The following SPTB variants were observed in gnomAD, a reference collection of about 807,000 sequenced individuals.
SPTB encodes the protein spectrin beta, erythrocytic.
A neutral mutation model predicts 256.2 loss-of-function variants in SPTB; 45 were observed. The ratio of observed to expected loss-of-function variants is 0.18; its 90% CI spans 0.14 to 0.23. SPTB has a LOEUF of 0.23. SPTB is among the 10% of genes least tolerant of loss of function. The probability of loss-of-function intolerance (pLI) is 1.00; values close to 1 mark genes in which losing one functional copy is unlikely to be tolerated. For missense variants in SPTB, 2,715 were observed against 3,040.4 expected (o/e 0.89, Z 2.52); for synonymous variants, 1,231 against 1,243.1 (o/e 0.99, Z 0.21).
At chr14:64,750,206 G>C in intron 33 of SPTB, 52 bp from the exon 34 acceptor site, 1 of 1,578,444 alleles carries the variant, frequency 6.3e-7, no homozygotes, top group South Asian at 1.1e-5. Flanking sequence ...GGTATCTCTA[G>C]AGTCAATTCC....
intron 1 of SPTB, among the ~76,000 whole-genome samples, chr14:64,871,233 G>A (rs909770305): frequency 2.6e-5 from 4 of 152,156 alleles, no homozygotes; most frequent in Admixed American, 6.5e-5. Flanking sequence ...GTTCCAGGAC[G>A]AAGACACAGC....
Position 64,772,452 on chromosome 14 carries a change from T to C in SPTB, c.5553+128A>G. 6 of 1,294,054 alleles carry C rather than the reference T, an allele frequency of 4.6e-6. No homozygotes were observed. Among genetic ancestry groups the C allele is most frequent in the Non-Finnish European group, 5.3e-6 (5 of 951,156 alleles). The allele number at this position is 1,294,054 out of a possible 1,614,324, so 80.2% of individuals were successfully genotyped here. A position where few individuals can be genotyped will look rare whatever the true frequency, so the allele number is the denominator to read the frequency against. ...GCCACTGCTCCCAGCCCTGAGCTCC[T>C]GGCTGTCTAAGGAGGCAAAACCTCC... On this transcript the variant is annotated intron_variant, in intron 26 of 35. Coordinates refer to ENST00000644917, the MANE Select transcript of SPTB (RefSeq NM_001355436.2). The surrounding 1 kb of genome is among the most constrained non-coding windows in gnomAD (Gnocchi z 5.4).
rs140022261 is a variant in SPTB, at chr14:64,839,445, G to A, written c.-51-16300C>T. On this transcript the variant is annotated intron_variant, in intron 1 of 35. Transcript: ENST00000644917. Reference sequence around the variant, plus strand: ...GATTGTAGGGTTGGGGAAACGAGTTGACAGAAAGGAGCATGAGGGAATTTT... The same window carrying A: ...GATTGTAGGGTTGGGGAAACGAGTTAACAGAAAGGAGCATGAGGGAATTTT... 4.8e-3 allele frequency among the ~76,000 whole-genome samples: 736 copies of A among 152,284 alleles called. 5 individuals are homozygous for A. Among genetic ancestry groups the A allele is most frequent in the African/African-American group, 0.017 (711 of 41,554 alleles).
Position 64,779,175 on chromosome 14 carries a change from C to T in SPTB, c.4545G>A (p.Leu1515=). 6.2e-7 allele frequency: 1 copy of T among 1,614,060 alleles called. No individual in the cohort carries two copies. The highest frequency in any genetic ancestry group is 8.5e-7 in the Non-Finnish European group (1 of 1,179,958). ...GACTCACCTGGTTCTTCTTCATGAA[C>T]AGTTGCACAGTTTGCAGATTAGTGC... ...DYGTNLQTVQ[L]FMKKNQTLQN... The change falls in exon 22 of 36, where the codon CTG becomes CTA. Residue 1515 remains leucine (L), a synonymous_variant. Coordinates refer to ENST00000644917, the MANE Select transcript of SPTB (RefSeq NM_001355436.2). This position sits in a 1 kb window ranked among gnomAD's most constrained non-coding sequence, Gnocchi z 4.2.
At chr14:64,842,648 C>T (rs2083625053) in intron 1 of SPTB, among the ~76,000 whole-genome samples, 1 of 152,228 alleles carries the variant, frequency 6.6e-6, no homozygotes, top group South Asian at 2.1e-4. Flanking sequence ...GGCTCTGAAT[C>T]TGTGTGGTCT....
At chr14:64,854,557 T>A (rs922674834) in intron 1 of SPTB, among the ~76,000 whole-genome samples, 1 of 151,980 alleles carries the variant, frequency 6.6e-6, no homozygotes, top group African/African-American at 2.4e-5. Flanking sequence ...GGATTACAGG[T>A]GTGAGCCACC....
At chr14:64,870,458 C>T (rs1384938750) in intron 1 of SPTB, among the ~76,000 whole-genome samples, 1 of 152,092 alleles carries the variant, frequency 6.6e-6, no homozygotes, top group Non-Finnish European at 1.5e-5. Context: ...ATATTTACAC[C>T]CTTCCCCACC....
In SPTB at chr14:64,793,153, G is replaced by T. The variant is rs139325158; in HGVS notation, c.2510C>A (p.Ala837Glu). The change falls in exon 14 of 36, where the codon GCG becomes GAG. Residue 837 changes from alanine to glutamate, a missense_variant. Ala to Glu is a moderately radical substitution (Grantham distance 107). Around this residue, in one of 4 missense-constraint regions of SPTB, gnomAD observed 2,239 missense variants for 2,384.4 expected, o/e 0.94. Transcript: ENST00000644917. This position sits in a 1 kb window ranked among gnomAD's most constrained non-coding sequence, Gnocchi z 7.0. ...CTGCAGCCTCTGCTGACGCAGGTCC[G>T]CCTGGGCCACCACCTGTTGGTAGAG... Reference protein sequence around the residue: ...RELYQQVVAQADLRQQRLQEA... With the variant: ...RELYQQVVAQEDLRQQRLQEA... 1.2e-6 allele frequency: 2 copies of T among 1,614,006 alleles called. No individual in the cohort carries two copies. Among genetic ancestry groups the T allele is most frequent in the Admixed American group, 1.7e-5 (1 of 60,024 alleles).
Position 64,773,382 on chromosome 14 carries a change from G to A in SPTB, c.5016C>T (p.Tyr1672=), listed in dbSNP as rs371032913. ...CTTCCGCCACGTCCTTCAGCCCTGC[G>A]TAGTGCTTGTCCACTTGCCCCTGAA... ...IRLQGQVDKH[Y]AGLKDVAEER... is the part of the protein sequence containing the mutation. Residue 1672 remains tyrosine (Y), a synonymous_variant, in exon 25 of 36, where the codon TAC becomes TAT. Transcript: ENST00000644917. 3.6e-5 allele frequency: 58 copies of A among 1,614,154 alleles called. No homozygotes were observed. Among genetic ancestry groups the A allele is most frequent in the African/African-American group, 1.7e-4 (13 of 75,038 alleles).
rs35968059 is a variant in SPTB at position 64,844,193 on chromosome 14, GA to G, written c.-51-21049del. Among the ~76,000 whole-genome samples the G allele has an allele frequency of 2.0e-5, 3 of 148,602 alleles. No homozygotes were observed. Among genetic ancestry groups the G allele is most frequent in the East Asian group, 3.9e-4 (2 of 5,110 alleles). On this transcript the variant is annotated intron_variant, in intron 1 of 35. Coordinates refer to ENST00000644917, the MANE Select transcript of SPTB (RefSeq NM_001355436.2). This position sits in a 1 kb window ranked among gnomAD's most constrained non-coding sequence, Gnocchi z 4.1. ...AAGAGTGCTTAGCAGGAGTCATGGA[GA>G]AAAAAAAAATGAGAGCTAGAAAGCC...
At position 64,769,045 on chromosome 14, in the gene SPTB, C is replaced by T. The variant is rs372967907; in HGVS notation, c.6011G>A (p.Arg2004Gln). ...AGGGCTGTACTCACACATGCGGAGC[C>T]GCTCCCAGCGGGCTTCCCACTTCTC... ...MNEKWEARWE[R>Q]LRMLLEVCQF... The change falls in exon 29 of 36, where the codon CGG (arginine) becomes CAG (glutamine). Residue 2004 changes from arginine to glutamine, a missense_variant. Physicochemically the swap from Arg to Gln is conservative, Grantham distance 43 (BLOSUM62 1). This residue lies in a region of SPTB where 2,239 missense variants were observed against 2,384.4 expected (regional missense o/e 0.94). Coordinates refer to ENST00000644917, the MANE Select transcript of SPTB (RefSeq NM_001355436.2). The T allele has an allele frequency of 3.5e-5, 56 of 1,613,108 alleles. No individual in the cohort carries two copies. Among genetic ancestry groups the T allele is most frequent in the Middle Eastern group, 1.6e-4 (1 of 6,080 alleles).
At chr14:64,862,931 T>C (rs1881943397) in intron 1 of SPTB, among the ~76,000 whole-genome samples, 1 of 152,084 alleles carries the variant, frequency 6.6e-6, no homozygotes, top group African/African-American at 2.4e-5. Flanking sequence ...TTGAATATCT[T>C]TGGTCCTTTA....
intron 1 of SPTB, among the ~76,000 whole-genome samples, chr14:64,855,557 C>G (rs2139786723): frequency 9.6e-6 from 1 of 104,278 alleles, no homozygotes; most frequent in South Asian, 3.2e-4. Context: ...CCAGGCTGGT[C>G]TCGAACTCCT....
rs375567377 is a variant in SPTB at position 64,793,777 on chromosome 14, C to T, written c.1886G>A (p.Arg629Gln). Reference protein sequence around the residue: ...FEELSNMAAGRKAQLEQSKRL... With the variant: ...FEELSNMAAGQKAQLEQSKRL... ...TTTGGACTGCTCCAGTTGGGCCTTCCGCCCAGCTGCCATGTTGCTCAGCTC... is the reference window on the plus strand; with the variant it reads ...TTTGGACTGCTCCAGTTGGGCCTTCTGCCCAGCTGCCATGTTGCTCAGCTC... Residue 629 changes from arginine (R) to glutamine (Q), a missense_variant, in exon 14 of 36, where the codon CGG becomes CAG. Physicochemically the swap from Arg to Gln is conservative, Grantham distance 43. Coordinates refer to ENST00000644917, the MANE Select transcript of SPTB (RefSeq NM_001355436.2). This position sits in a 1 kb window ranked among gnomAD's most constrained non-coding sequence, Gnocchi z 7.0. 7.8e-5 allele frequency: 126 copies of T among 1,613,982 alleles called. No homozygotes were observed. In the South Asian group the frequency reaches 1.0e-3, roughly 13 times the overall value.
rs752829644 is a variant in SPTB, at chr14:64,774,388, C to T, written c.4973+9G>A. 100 of 1,585,432 alleles carry T rather than the reference C, an allele frequency of 6.3e-5. No homozygotes were observed. The highest frequency in any genetic ancestry group is 9.2e-5 in the East Asian group (4 of 43,584). The stretch of plus-strand genomic sequence containing the variant: ...CTCCTGACCGAGTCACCACAGGGGG[C>T]GCACGCACCCCTCAGGGTGGCCTGC... On this transcript the variant is annotated intron_variant, in intron 24 of 35. Coordinates refer to ENST00000644917, the MANE Select transcript of SPTB (RefSeq NM_001355436.2).
At chr14:64,878,711 C>T (rs1265874837) in intron 1 of SPTB, among the ~76,000 whole-genome samples, 1 of 152,110 alleles carries the variant, frequency 6.6e-6, no homozygotes, top group African/African-American at 2.4e-5. Context: ...TGCCTCCTAC[C>T]TGGAGGTGAC....
At position 64,823,089 on chromosome 14, in the gene SPTB, T is replaced by C. The variant is rs778761502; in HGVS notation, c.6A>G (p.Thr2=). 2.7e-5 allele frequency: 43 copies of C among 1,614,058 alleles called. No individual in the cohort carries two copies. Among genetic ancestry groups the C allele is most frequent in the East Asian group, 1.8e-4 (8 of 44,874 alleles). M[T]SATEFENVGN... is the part of the protein sequence containing the mutation. The stretch of plus-strand genomic sequence containing the variant: ...CCACATTTTCAAACTCTGTGGCCGA[T>C]GTCATGTCAGCAGGCTCTTAGCAGC... Residue 2 remains threonine (T), a synonymous_variant, in exon 2 of 36, where the codon ACA becomes ACG. Transcript: ENST00000644917. This position sits in a 1 kb window ranked among gnomAD's most constrained non-coding sequence, Gnocchi z 6.5.
intron 31 of SPTB, among the ~76,000 whole-genome samples, chr14:64,767,078 C>G (rs1459565975): frequency 6.6e-6 from 1 of 152,202 alleles, no homozygotes; most frequent in African/African-American, 2.4e-5. Flanking sequence ...CTGGCAGCCA[C>G]TGCTCCCAGC....
At chr14:64,789,774 C>T (rs1430033694) in intron 15 of SPTB, among the ~76,000 whole-genome samples, 1 of 152,160 alleles carries the variant, frequency 6.6e-6, no homozygotes. Flanking sequence ...GGATATGAAG[C>T]TCAAAACCAG....
Sources: gnomAD v4.1 joint callset for allele counts (sites outside exome capture counted in the v4.1 genomes callset) on GRCh38, gnomAD v4.1.1 for gene constraint, gnomAD v4.1.1 regional missense constraint, Gnocchi (gnomAD v3.1) non-coding constraint, MANE v1.5 for transcripts, NCBI Gene and HGNC (gene_info 2026-07-23, HGNC 2026-07-21) for gene names.